FGF1: variants seen among roughly 807,000 people sequenced by gnomAD.
FGF1 encodes beta-endothelial cell growth factor.
FGF1 carries 9 observed loss-of-function variants against 13.4 expected under a neutral mutation model. The ratio of observed to expected loss-of-function variants is 0.67; its 90% CI spans 0.40 to 1.17. The LOEUF is 1.17. Ranked by LOEUF, FGF1 falls within the 50% of genes most tolerant of loss-of-function variation. FGF1 has a pLI of 0.01. For missense variants in FGF1, 156 were observed against 192.7 expected (o/e 0.81, Z 1.13); for synonymous variants, 93 against 79.0 (o/e 1.18, Z -0.94).
intron 1 of FGF1, among the ~76,000 whole-genome samples, chr5:142,660,710 A>G (rs1158194446): frequency 6.6e-6 from 1 of 152,192 alleles, no homozygotes; most frequent in Non-Finnish European, 1.5e-5. Flanking sequence ...TGCCAAAGAC[A>G]CACACTCCAT....
At position 142,609,365 on chromosome 5, in the gene FGF1, G is replaced by A. The variant is rs76040620; in HGVS notation, c.169+4594C>T. On this transcript the variant is annotated intron_variant, in intron 2 of 3. Coordinates refer to ENST00000337706, the MANE Select transcript of FGF1 (RefSeq NM_000800.5). ...TTGTGGGTGTGGCAGGCAGCTGAAG[G>A]TTTGGAATGCTTGTGAGGAAATTAT... is the stretch of plus-strand genomic sequence containing the variant. Among the ~76,000 whole-genome samples the A allele has an allele frequency of 2.6e-3, 396 of 152,290 alleles. 17 individuals carry two copies. In the East Asian group the frequency reaches 0.068, roughly 26 times the overall value.
intron 2 of FGF1, among the ~76,000 whole-genome samples, chr5:142,605,987 A>G (rs1339841794): frequency 2.0e-5 from 3 of 152,056 alleles, no homozygotes; most frequent in Non-Finnish European, 4.4e-5. Context: ...TTCCTCGGGT[A>G]GCAGCTCAGG....
At chr5:142,639,086 A>G (rs1244698144) in intron 1 of FGF1, among the ~76,000 whole-genome samples, 2 of 152,060 alleles carry the variant, frequency 1.3e-5, no homozygotes, top group Non-Finnish European at 1.5e-5. Context: ...AAAAATTGGT[A>G]CAGCCATTAT....
In FGF1 at chr5:142,592,217, CA is replaced by C. The variant is rs1754392004; in HGVS notation, c.*3072del. 2.5e-6 allele frequency: 1 copy of C among 396,964 alleles called. No homozygotes were observed. The highest frequency in any genetic ancestry group is 4.4e-6 in the Non-Finnish European group (1 of 225,484). 24.6% of individuals were successfully genotyped at this position (396,964 alleles called of 1,614,324 possible). ...AACATTTATTAATATTTGTAAGGTGCAGACTATGATACACAAAAAGACAGTG... is the reference window on the plus strand; with the variant it reads ...AACATTTATTAATATTTGTAAGGTGCGACTATGATACACAAAAAGACAGTG... On this transcript the variant is annotated 3_prime_UTR_variant, in exon 4 of 4. Coordinates refer to ENST00000337706, the MANE Select transcript of FGF1 (RefSeq NM_000800.5).
At chr5:142,595,873 C>T (rs545916693) in intron 3 of FGF1, among the ~76,000 whole-genome samples, 1 of 152,300 alleles carries the variant, frequency 6.6e-6, no homozygotes, top group Non-Finnish European at 1.5e-5. Context: ...CTGTAGTGGC[C>T]TGGCACACAG....
chr5:142,595,540 G>A (rs1755082238), intron 3 of FGF1, 56 bp from the exon 4 acceptor site: 1 of 1,480,908 alleles, frequency 6.8e-7, no homozygotes, highest in Admixed American at 1.9e-5. Flanking sequence ...TTCACATGGG[G>A]GTCCCCATTT....
At chr5:142,695,581 CAAAAAG>C (rs1752977570) in intron 2 of FGF1, among the ~76,000 whole-genome samples, 1 of 117,310 alleles carries the variant, frequency 8.5e-6, no homozygotes, top group Non-Finnish European at 1.7e-5. Context: ...GACTCTGTAT[CAAAAAG>C]AAAAAAAAAA....
chr5:142,661,928 AG>A (rs1335874488), intron 1 of FGF1, among the ~76,000 whole-genome samples: 2 of 151,836 alleles, frequency 1.3e-5, no homozygotes, highest in Non-Finnish European at 2.9e-5. Flanking sequence ...GCGTGAACCT[AG>A]GGGGTGGAGG....
intron 1 of FGF1, among the ~76,000 whole-genome samples, chr5:142,625,280 A>G (rs917736107): frequency 2.0e-5 from 3 of 151,202 alleles, no homozygotes; most frequent in African/African-American, 7.3e-5. Context: ...CCCAGCTTGC[A>G]CACTTCATAA....
intron 1 of FGF1, among the ~76,000 whole-genome samples, chr5:142,640,431 G>GGC (rs1158136435): frequency 6.7e-6 from 1 of 149,874 alleles, no homozygotes; most frequent in Non-Finnish European, 1.5e-5. Flanking sequence ...TATGGTGGGG[G>GGC]GGGGGGTCTC....
At chr5:142,650,616 A>G (rs562914124) in intron 1 of FGF1, among the ~76,000 whole-genome samples, 13 of 152,064 alleles carry the variant, frequency 8.5e-5, no homozygotes, top group Admixed American at 7.9e-4. Flanking sequence ...CATGACTGTT[A>G]TTGTTTGACC....
chr5:142,661,805 C>T (rs1482798420), intron 1 of FGF1, among the ~76,000 whole-genome samples: 4 of 152,210 alleles, frequency 2.6e-5, no homozygotes, highest in African/African-American at 4.8e-5. Context: ...AGATTGAGAC[C>T]ATCCTGGCTA....
At chr5:142,610,943 C>T (rs1758907052) in intron 2 of FGF1, among the ~76,000 whole-genome samples, 1 of 152,144 alleles carries the variant, frequency 6.6e-6, no homozygotes, top group South Asian at 2.1e-4. Flanking sequence ...CAAAGAGAAG[C>T]CGTGAAAGGA....
intron 1 of FGF1, among the ~76,000 whole-genome samples, chr5:142,624,353 C>T (rs777480422): frequency 3.9e-5 from 6 of 152,228 alleles, no homozygotes; most frequent in Non-Finnish European, 8.8e-5. Context: ...AGGCATAAGC[C>T]ATCACGCCTG....
At chr5:142,605,281 T>G (rs1346923719) in intron 2 of FGF1, among the ~76,000 whole-genome samples, 1 of 150,366 alleles carries the variant, frequency 6.7e-6, no homozygotes, top group Non-Finnish European at 1.5e-5. Context: ...TAGTTTTTTT[T>G]TTTTTTTTTT....
chr5:142,638,716 G>C (rs911001567), intron 1 of FGF1, among the ~76,000 whole-genome samples: 2 of 151,988 alleles, frequency 1.3e-5, no homozygotes, highest in East Asian at 1.9e-4. Context: ...TTTCTGGGCA[G>C]CAAAGAAAAC....
At chr5:142,674,326 C>T (rs1772073421) in intron 1 of FGF1, among the ~76,000 whole-genome samples, 1 of 152,294 alleles carries the variant, frequency 6.6e-6, no homozygotes, top group Middle Eastern at 3.4e-3. Flanking sequence ...TGGATCGTAT[C>T]TGCTCTTGTG....
rs17217408 is a variant in FGF1 at position 142,599,483 on chromosome 5, C to T, written c.273+1219G>A. 2.4e-3 allele frequency among the ~76,000 whole-genome samples: 372 copies of T among 152,268 alleles called. 2 individuals carry two copies. Among genetic ancestry groups the T allele is most frequent in the African/African-American group, 8.6e-3 (356 of 41,550 alleles). ...AGTTGAAGCTCCAGACTAAAATTCC[C>T]CCTACTGACTGTCTTTTTGAAGACA... On this transcript the variant is annotated intron_variant, in intron 3 of 3. Transcript: ENST00000337706.
chr5:142,625,434 C>T (rs1354510010), intron 1 of FGF1, among the ~76,000 whole-genome samples: 1 of 152,142 alleles, frequency 6.6e-6, no homozygotes, highest in Non-Finnish European at 1.5e-5. Flanking sequence ...ACAAAACACT[C>T]CCCCTCATAG....
Sources: allele counts gnomAD v4.1 joint callset (sites outside exome capture counted in the v4.1 genomes callset), GRCh38; gene constraint gnomAD v4.1.1; transcripts MANE v1.5; gene names NCBI Gene and HGNC (gene_info 2026-07-23, HGNC 2026-07-21).